ARL15: variants seen among roughly 807,000 people sequenced by gnomAD.
The protein encoded by ARL15 is ADP-ribosylation factor-like protein 15.
In ARL15, 19 loss-of-function variants were observed where a neutral mutation model predicts 25.2. That is an observed-to-expected ratio of 0.75 (90% CI 0.53 to 1.10). The LOEUF is 1.10. ARL15 is among the 50% of genes least tolerant of loss of function. The pLI is 0.00. For synonymous variants in ARL15, 94 were observed against 86.8 expected (o/e 1.08, Z -0.46); for missense variants, 220 against 246.0 (o/e 0.89, Z 0.71).
Position 54,171,792 on chromosome 5 carries a change from G to T in ARL15, c.185C>A (p.Ser62Ter). The stretch of plus-strand genomic sequence containing the variant: ...CCCAGCACAGTACCCACCTGTGGTC[G>T]ACACGACGTTATCGGGGCTTTCACT... ...LCSESPDNVV[S>*]TTGFSIKAVP... Residue 62 changes from serine to a stop codon, truncating the protein, a stop_gained, in exon 2 of 5, where the codon TCG becomes TAG. Coordinates refer to ENST00000504924, the MANE Select transcript of ARL15 (RefSeq NM_019087.3). LOFTEE classifies it high-confidence loss of function. 6.2e-7 allele frequency: 1 copy of T among 1,612,216 alleles called. No homozygotes were observed. The highest frequency in any genetic ancestry group is 8.5e-7 in the Non-Finnish European group (1 of 1,179,096).
chr5:54,046,996 T>C (rs1750541287), intron 4 of ARL15, among the ~76,000 whole-genome samples: 1 of 152,158 alleles, frequency 6.6e-6, no homozygotes, highest in Non-Finnish European at 1.5e-5. Flanking sequence ...TACACTGTCA[T>C]GCTTCAATCT....
intron 4 of ARL15, among the ~76,000 whole-genome samples, chr5:53,998,115 G>A (rs1022197831): frequency 5.3e-5 from 8 of 151,984 alleles, no homozygotes; most frequent in Non-Finnish European, 1.2e-4. Context: ...CAGTTTCCTT[G>A]CCTGCAGAAT....
chr5:54,023,200 T>C (rs573610651), intron 4 of ARL15, among the ~76,000 whole-genome samples: 1 of 152,236 alleles, frequency 6.6e-6, no homozygotes, highest in South Asian at 2.1e-4. Flanking sequence ...AATTTTTACA[T>C]TGGACTTGAA....
chr5:54,069,101 T>A (rs1338396003), intron 4 of ARL15, among the ~76,000 whole-genome samples: 3 of 152,212 alleles, frequency 2.0e-5, no homozygotes, highest in African/African-American at 4.8e-5. Flanking sequence ...TATATTTTTT[T>A]AAATATTTGG....
intron 4 of ARL15, among the ~76,000 whole-genome samples, chr5:53,892,254 G>T (rs1174945934): frequency 6.6e-6 from 1 of 152,194 alleles, no homozygotes; most frequent in Non-Finnish European, 1.5e-5. Context: ...TCCATCTCTG[G>T]AAAAGGAAAC....
intron 1 of ARL15, among the ~76,000 whole-genome samples, chr5:54,175,932 G>A (rs574968970): frequency 7.2e-5 from 11 of 152,216 alleles, no homozygotes; most frequent in East Asian, 1.9e-4. Context: ...GATTACACAC[G>A]TGAGCCACTG....
rs1758871493 is a variant in ARL15 at position 54,310,538 on chromosome 5, G to A, written c.-59C>T. 1 of 1,541,788 alleles carries A rather than the reference G, an allele frequency of 6.5e-7. No individual in the cohort carries two copies. ...CCCGGAAAAAAAAAGCAGCGTCTCTGGCTGCGAGCGAGCAGCTCCTGAAAA... is the reference window on the plus strand; with the variant it reads ...CCCGGAAAAAAAAAGCAGCGTCTCTAGCTGCGAGCGAGCAGCTCCTGAAAA... On this transcript the variant is annotated 5_prime_UTR_variant, in exon 1 of 5. Transcript: ENST00000504924.
chr5:54,310,204 AGCCGT>A (rs1758860350), intron 1 of ARL15: 1 of 477,270 alleles, frequency 2.1e-6, no homozygotes, highest in Non-Finnish European at 3.7e-6. Context: ...CTCGCCCTGC[AGCCGT>A]GCTGGCCCAG....
intron 3 of ARL15, among the ~76,000 whole-genome samples, chr5:54,127,907 A>C (rs540666855): frequency 1.1e-4 from 17 of 152,018 alleles, no homozygotes; most frequent in Non-Finnish European, 2.2e-4. Flanking sequence ...TGAGAAAAAC[A>C]AGCAATGGGG....
intron 4 of ARL15, among the ~76,000 whole-genome samples, chr5:54,012,218 A>G (rs541105068): frequency 1.4e-4 from 21 of 152,222 alleles, no homozygotes; most frequent in Non-Finnish European, 2.8e-4. Flanking sequence ...TAGCTCTGAA[A>G]GAGATGAGAG....
intron 3 of ARL15, among the ~76,000 whole-genome samples, chr5:54,122,228 G>C (rs1023108081): frequency 6.6e-6 from 1 of 152,118 alleles, no homozygotes; most frequent in African/African-American, 2.4e-5. Context: ...CCTCATTGCT[G>C]TCTAGATTTC....
At chr5:54,043,411 T>C (rs940062273) in intron 4 of ARL15, among the ~76,000 whole-genome samples, 12 of 152,192 alleles carry the variant, frequency 7.9e-5, no homozygotes, top group African/African-American at 2.7e-4. Flanking sequence ...TTTGACATTC[T>C]AGGATTCTGC....
chr5:54,158,370 T>C (rs1754301950), intron 2 of ARL15, among the ~76,000 whole-genome samples: 3 of 152,232 alleles, frequency 2.0e-5, no homozygotes. Context: ...CTAGGTGATT[T>C]TCACAATTGT....
rs1385775376 is a variant in ARL15, at chr5:54,263,055, G to C, written c.48+47377C>G. 3.3e-5 allele frequency among the ~76,000 whole-genome samples: 5 copies of C among 152,106 alleles called. No homozygotes were observed. The East Asian group carries it at 9.6e-4, about 29-fold the overall frequency. Reference sequence around the variant, plus strand: ...TTCCACTTTGTTGCCACCATTGGTGGGAAAATGTTAAGGCAGAGACTGCAA... The same window carrying C: ...TTCCACTTTGTTGCCACCATTGGTGCGAAAATGTTAAGGCAGAGACTGCAA... On this transcript the variant is annotated intron_variant, in intron 1 of 4. Coordinates refer to ENST00000504924, the MANE Select transcript of ARL15 (RefSeq NM_019087.3).
At chr5:54,058,252 C>T (rs1023612994) in intron 4 of ARL15, among the ~76,000 whole-genome samples, 7 of 151,954 alleles carry the variant, frequency 4.6e-5, no homozygotes, top group Non-Finnish European at 7.4e-5. Flanking sequence ...GTGATCTGCC[C>T]GCCTCGGCCT....
At chr5:54,143,968 CTAAA>C (rs1172153867) in intron 3 of ARL15, among the ~76,000 whole-genome samples, 1 of 151,808 alleles carries the variant, frequency 6.6e-6, no homozygotes, top group Non-Finnish European at 1.5e-5. Context: ...AATCTATACC[CTAAA>C]TAAAAAAAGA....
chr5:54,167,530 G>C (rs1320756017), intron 2 of ARL15, among the ~76,000 whole-genome samples: 1 of 152,152 alleles, frequency 6.6e-6, no homozygotes, highest in Admixed American at 6.5e-5. Context: ...GCTGGTTGCT[G>C]TTGTTGTTCT....
At chr5:54,236,185 TG>T (rs1756800310) in intron 1 of ARL15, among the ~76,000 whole-genome samples, 1 of 152,220 alleles carries the variant, frequency 6.6e-6, no homozygotes, top group African/African-American at 2.4e-5. Context: ...TCCTTCCAAC[TG>T]ATAGTGTCTG....
chr5:54,200,739 A>G (rs1000965904), intron 1 of ARL15, among the ~76,000 whole-genome samples: 1 of 152,198 alleles, frequency 6.6e-6, no homozygotes, highest in South Asian at 2.1e-4. Flanking sequence ...TAGGTGCCAC[A>G]GAAAATACAT....
Sources: gnomAD v4.1 joint callset for allele counts (sites outside exome capture counted in the v4.1 genomes callset) on GRCh38, gnomAD v4.1.1 for gene constraint, MANE v1.5 for transcripts, NCBI Gene and HGNC (gene_info 2026-07-23, HGNC 2026-07-21) for gene names.